The following DCDC2 variants were observed in gnomAD, a reference collection of about 807,000 sequenced individuals.
DCDC2 encodes doublecortin domain containing 2.
A neutral mutation model predicts 50.2 loss-of-function variants in DCDC2; 40 were observed. The ratio of observed to expected loss-of-function variants is 0.80; its 90% CI spans 0.62 to 1.04. The LOEUF is 1.04. Among genes scored for constraint, DCDC2 ranks in the 50% least tolerant of loss-of-function variants. The pLI, the probability that DCDC2 is intolerant of heterozygous loss-of-function variation, is 0.00. For missense variants in DCDC2, 570 were observed against 581.9 expected (o/e 0.98, Z 0.21); for synonymous variants, 234 against 210.6 (o/e 1.11, Z -0.96).
intron 7 of DCDC2, among the ~76,000 whole-genome samples, chr6:24,271,201 C>T (rs1763229013): frequency 5.0e-4 from 1 of 2,006 alleles, no homozygotes. Flanking sequence ...GAGTGAGACA[C>T]TCCCTCAAAA....
intron 1 of DCDC2, among the ~76,000 whole-genome samples, chr6:24,353,996 G>A (rs908898239): frequency 2.0e-5 from 3 of 152,144 alleles, no homozygotes; most frequent in African/African-American, 4.8e-5. Flanking sequence ...ACAGGCTTTA[G>A]GTCAAAGGAA....
the DCDC2 span, among the ~76,000 whole-genome samples, chr6:24,374,032 G>A: frequency 6.6e-6 from 1 of 151,880 alleles, no homozygotes. Context: ...CGTGGTGGCG[G>A]GCGCCTGTAG....
At chr6:24,186,083 T>C (rs1289872604) in intron 8 of DCDC2, among the ~76,000 whole-genome samples, 2 of 152,232 alleles carry the variant, frequency 1.3e-5, no homozygotes, top group African/African-American at 2.4e-5. Flanking sequence ...TACCATCCAA[T>C]AGCTTTTTGT....
chr6:24,266,198 A>G (rs1054130780), intron 7 of DCDC2, among the ~76,000 whole-genome samples: 23 of 152,204 alleles, frequency 1.5e-4, no homozygotes, highest in African/African-American at 5.5e-4. Context: ...TAAAATCAAA[A>G]TGGATTAAAG....
At chr6:24,336,795 A>G (rs1760064419) in intron 2 of DCDC2, among the ~76,000 whole-genome samples, 1 of 152,024 alleles carries the variant, frequency 6.6e-6, no homozygotes, top group African/African-American at 2.4e-5. Context: ...GAGCTATTCA[A>G]TTAATGTGGC....
intron 7 of DCDC2, among the ~76,000 whole-genome samples, chr6:24,269,845 C>G (rs1211038964): frequency 6.6e-6 from 1 of 152,020 alleles, no homozygotes. Flanking sequence ...CAGTCCCCAG[C>G]TAAGATGTGT....
At chr6:24,240,918 T>C (rs1460434979) in intron 7 of DCDC2, among the ~76,000 whole-genome samples, 2 of 152,228 alleles carry the variant, frequency 1.3e-5, no homozygotes. Context: ...TGTGCACAAC[T>C]ATTTGTGTAA....
intron 8 of DCDC2, 36 bp downstream of exon 8, chr6:24,204,966 T>C: frequency 6.3e-7 from 1 of 1,575,954 alleles, no homozygotes; most frequent in Non-Finnish European, 8.7e-7. Context: ...AACACTATAA[T>C]TGTCTTACAC....
intron 8 of DCDC2, among the ~76,000 whole-genome samples, chr6:24,192,624 A>T (rs998476263): frequency 6.6e-6 from 1 of 152,184 alleles, no homozygotes; most frequent in Non-Finnish European, 1.5e-5. Context: ...AAAAAGGAAC[A>T]TTCAGAGAAT....
Position 24,205,064 on chromosome 6 carries a change from T to C in DCDC2, c.961A>G (p.Thr321Ala). ...IFKAGAERSE[T>A]RGAAEVQEDE... The stretch of plus-strand genomic sequence containing the variant: ...TCTTGGACTTCTGCTGCCCCCCGTG[T>C]TTCAGACCTCTCTGCTCCAGCTTTG... Residue 321 changes from threonine (T) to alanine (A), a missense_variant, in exon 8 of 10, where the codon ACA becomes GCA. Thr to Ala is a moderately conservative substitution (Grantham distance 58, BLOSUM62 0). Coordinates refer to ENST00000378454, the MANE Select transcript of DCDC2 (RefSeq NM_016356.5). The C allele has an allele frequency of 6.2e-7, 1 of 1,614,164 alleles. No homozygotes were observed. The highest frequency in any genetic ancestry group is 8.5e-7 in the Non-Finnish European group (1 of 1,180,002).
upstream of DCDC2, among the ~76,000 whole-genome samples, chr6:24,359,810 C>G (rs187714540): frequency 1.1e-3 from 163 of 152,240 alleles, 1 homozygote; most frequent in African/African-American, 3.8e-3. Flanking sequence ...AGCGAAGACT[C>G]GCGTGTCTAG....
chr6:24,330,851 G>A (rs1759952485), intron 2 of DCDC2, among the ~76,000 whole-genome samples: 1 of 152,214 alleles, frequency 6.6e-6, no homozygotes, highest in African/African-American at 2.4e-5. Context: ...CCCTTACGCA[G>A]CAGAGTAGTG....
chr6:24,243,643 T>C (rs549306207), intron 7 of DCDC2, among the ~76,000 whole-genome samples: 2 of 152,268 alleles, frequency 1.3e-5, no homozygotes, highest in Admixed American at 6.5e-5. Flanking sequence ...GAGAGGCTAG[T>C]TTGGAAGGAA....
chr6:24,248,600 G>T (rs986302407), intron 7 of DCDC2, among the ~76,000 whole-genome samples: 1 of 152,050 alleles, frequency 6.6e-6, no homozygotes, highest in African/African-American at 2.4e-5. Context: ...GTTAAGCAAA[G>T]GTAAGACCTT....
intron 7 of DCDC2, among the ~76,000 whole-genome samples, chr6:24,255,323 C>T (rs889244727): frequency 6.7e-6 from 1 of 149,104 alleles, no homozygotes; most frequent in Non-Finnish European, 1.5e-5. Context: ...CAGATTGTAA[C>T]TTTAACAGTA....
intron 2 of DCDC2, among the ~76,000 whole-genome samples, chr6:24,308,440 A>T (rs1268605722): frequency 6.6e-6 from 1 of 152,186 alleles, no homozygotes; most frequent in African/African-American, 2.4e-5. Flanking sequence ...AGCCCAATAG[A>T]AGAAGGGGAC....
intron 7 of DCDC2, among the ~76,000 whole-genome samples, chr6:24,237,436 TG>T (rs1461404208): frequency 1.3e-5 from 2 of 152,140 alleles, no homozygotes; most frequent in Non-Finnish European, 2.9e-5. Context: ...GTTGTGAGGT[TG>T]TGGAAAAAAG....
chr6:24,196,596 A>AT (rs1231206334), intron 8 of DCDC2, among the ~76,000 whole-genome samples: 1 of 151,848 alleles, frequency 6.6e-6, no homozygotes, highest in African/African-American at 2.4e-5. Flanking sequence ...AATTTTTTGT[A>AT]TTTTCAGTAG....
chr6:24,219,979 G>C (rs1044026343), intron 7 of DCDC2, among the ~76,000 whole-genome samples: 2 of 152,152 alleles, frequency 1.3e-5, no homozygotes, highest in African/African-American at 2.4e-5. Context: ...AGATGACCAA[G>C]GATAATTCTG....
Sources: gnomAD v4.1 joint callset for allele counts (sites outside exome capture counted in the v4.1 genomes callset) on GRCh38, gnomAD v4.1.1 for gene constraint, MANE v1.5 for transcripts, NCBI Gene and HGNC (gene_info 2026-07-23, HGNC 2026-07-21) for gene names.